The following PUDP variants were observed in gnomAD, a reference collection of about 807,000 sequenced individuals.
The protein encoded by PUDP is pseudouridine 5'-phosphatase.
In PUDP, 8 loss-of-function variants were observed where a neutral mutation model predicts 9.4. That is an observed-to-expected ratio of 0.85 (90% CI 0.50 to 1.53). PUDP has a LOEUF of 1.53. PUDP is among the 40% of genes most tolerant of loss of function. The pLI is 0.00. For missense variants in PUDP, 188 were observed against 189.7 expected (o/e 0.99, Z 0.05); for synonymous variants, 99 against 80.7 (o/e 1.23, Z -1.22).
intron 3 of PUDP, among the ~76,000 whole-genome samples, chrX:6,761,573 A>G (rs1925229028): frequency 8.9e-6 from 1 of 112,217 alleles, no homozygotes; most frequent in Admixed American, 9.5e-5. Flanking sequence ...AGTCTTTAAA[A>G]CAGTGCCCTT....
chrX:6,774,943 C>G (rs1925424501), intron 3 of PUDP, among the ~76,000 whole-genome samples: 1 of 112,411 alleles, frequency 8.9e-6, no homozygotes, highest in African/African-American at 3.2e-5. Context: ...AGGGTGCTGT[C>G]TGGACATTTT....
chrX:6,792,918 A>G (rs1021970143), intron 3 of PUDP, among the ~76,000 whole-genome samples: 18 of 113,174 alleles, frequency 1.6e-4, no homozygotes, highest in Non-Finnish European at 3.2e-4. Context: ...TTAACTTAGC[A>G]TTGCCAGTGG....
intron 3 of PUDP, among the ~76,000 whole-genome samples, chrX:6,841,908 T>G (rs74584227): frequency 2.1e-3 from 232 of 109,944 alleles, no homozygotes; most frequent in Middle Eastern, 4.9e-3. Context: ...TGTGTGTGTG[T>G]GGGGGGGGTT....
At chrX:6,850,869 A>G (rs1926817290) in intron 3 of PUDP, among the ~76,000 whole-genome samples, 1 of 112,153 alleles carries the variant, frequency 8.9e-6, no homozygotes, top group African/African-American at 3.2e-5. Context: ...CAATGTAGAC[A>G]TGATGTACTA....
At chrX:7,111,440 G>A (rs1257124567) in intron 1 of PUDP, among the ~76,000 whole-genome samples, 1 of 101,879 alleles carries the variant, frequency 9.8e-6, no homozygotes, top group Admixed American at 1.1e-4. Flanking sequence ...GATGTTTATT[G>A]GAGAAATGTA....
chrX:6,898,469 G>T (rs750895736), intron 3 of PUDP, among the ~76,000 whole-genome samples: 1 of 112,341 alleles, frequency 8.9e-6, no homozygotes, highest in South Asian at 3.7e-4. Flanking sequence ...GCCTAGATTT[G>T]ATTAATGGGT....
Position 6,744,724 on chromosome X carries a change from C to T in PUDP, c.*248-38258G>A, listed in dbSNP as rs111600253. Among the ~76,000 whole-genome samples, 1,022 of 111,302 alleles carry T rather than the reference C, an allele frequency of 9.2e-3. 8 individuals are homozygous for T. The highest frequency in any genetic ancestry group is 0.032 in the African/African-American group (968 of 30,596). On this transcript the variant is annotated intron_variant and NMD_transcript_variant, in intron 3 of 3. Transcript: ENST00000655425. The stretch of plus-strand genomic sequence containing the variant: ...GACATCACTGACCCTAACAGCTATG[C>T]GATGACCCACTAGTCAAGACTACTT...
At chrX:6,784,577 C>T (rs1925616866) in intron 3 of PUDP, among the ~76,000 whole-genome samples, 1 of 111,814 alleles carries the variant, frequency 8.9e-6, no homozygotes, top group Admixed American at 9.5e-5. Flanking sequence ...TGTTCATCTT[C>T]GTTGTCCTAT....
At chrX:6,716,148 G>A (rs759593615) in intron 1 of PUDP, among the ~76,000 whole-genome samples, 3 of 109,876 alleles carry the variant, frequency 2.7e-5, no homozygotes, top group East Asian at 2.9e-4. Context: ...TCTCCAATTC[G>A]CTTACATAGC....
At chrX:7,032,198 GAT>G (rs762686441) in intron 1 of PUDP, among the ~76,000 whole-genome samples, 32 of 112,132 alleles carry the variant, frequency 2.9e-4, no homozygotes, top group Non-Finnish European at 5.6e-4. Flanking sequence ...AAAACCATAA[GAT>G]ACTCATACCC....
At chrX:7,008,463 G>A (rs1929433556) in intron 1 of PUDP, among the ~76,000 whole-genome samples, 1 of 110,586 alleles carries the variant, frequency 9.0e-6, no homozygotes, top group South Asian at 4.0e-4. Context: ...CAACACCAGG[G>A]TGGGTGGCTA....
At chrX:6,891,868 A>G (rs1927521750) in intron 3 of PUDP, among the ~76,000 whole-genome samples, 1 of 111,839 alleles carries the variant, frequency 8.9e-6, no homozygotes, top group Non-Finnish European at 1.9e-5. Context: ...CCAAGGCACT[A>G]ATGTAATAAA....
intron 3 of PUDP, among the ~76,000 whole-genome samples, chrX:6,793,367 C>G (rs757165758): frequency 4.4e-4 from 49 of 111,589 alleles, no homozygotes; most frequent in Non-Finnish European, 8.5e-4. Flanking sequence ...GCTCACATGA[C>G]CTAATCACCT....
intron 3 of PUDP, among the ~76,000 whole-genome samples, chrX:6,938,786 C>CTTTTTTTTT (rs764265665): frequency 3.6e-5 from 3 of 83,436 alleles, no homozygotes; most frequent in Non-Finnish European, 4.7e-5. Flanking sequence ...TTCTTTCTTT[C>CTTTTTTTTT]TTTTTTTTTT....
At chrX:7,009,404 G>T (rs1929446578) in intron 1 of PUDP, among the ~76,000 whole-genome samples, 1 of 112,135 alleles carries the variant, frequency 8.9e-6, no homozygotes, top group Admixed American at 9.4e-5. Context: ...AAGGTAGTTT[G>T]AAGAAAACAT....
At chrX:6,721,836 A>G (rs1452733125), upstream of PUDP, among the ~76,000 whole-genome samples, 1 of 112,013 alleles carries the variant, frequency 8.9e-6, no homozygotes, top group Admixed American at 9.5e-5. Flanking sequence ...CTTATTTCAT[A>G]TGGAATGTAA....
intron 3 of PUDP, among the ~76,000 whole-genome samples, chrX:6,911,904 C>T (rs906655626): frequency 5.4e-5 from 6 of 111,501 alleles, no homozygotes; most frequent in South Asian, 3.7e-4. Flanking sequence ...TTTGTTTGTC[C>T]GGATAAAACT....
chrX:6,714,510 G>T (rs1235858348), intron 1 of PUDP, among the ~76,000 whole-genome samples: 1 of 111,357 alleles, frequency 9.0e-6, no homozygotes. Flanking sequence ...AGATATGATA[G>T]ATGATGATAG....
At position 7,107,655 on chromosome X, in the gene PUDP, C is replaced by T. The variant is rs141168406; in HGVS notation, c.62-1817G>A. 4.1e-3 allele frequency among the ~76,000 whole-genome samples: 460 copies of T among 111,542 alleles called. 5 individuals carry two copies. The highest frequency in any genetic ancestry group is 0.026 in the Admixed American group (280 of 10,577). ...CAGCCTGGGCAACATGGCAAAACCC[C>T]GTCTGTATTAAAAATACAAAAAACT... is the stretch of plus-strand genomic sequence containing the variant. On this transcript the variant is annotated intron_variant, in intron 1 of 3. Coordinates refer to ENST00000381077, the MANE Select transcript of PUDP (RefSeq NM_012080.5).
Sources: allele counts gnomAD v4.1 joint callset (sites outside exome capture counted in the v4.1 genomes callset), GRCh38; gene constraint gnomAD v4.1.1; transcripts MANE v1.5; gene names NCBI Gene and HGNC (gene_info 2026-07-23, HGNC 2026-07-21).